Variants in PLCB1 observed in about 807,000 individuals in gnomAD.
The protein encoded by PLCB1 is 1-phosphatidylinositol 4,5-bisphosphate phosphodiesterase beta-1.
A neutral mutation model predicts 161.8 loss-of-function variants in PLCB1; 46 were observed. The ratio of observed to expected loss-of-function variants is 0.28; its 90% CI spans 0.22 to 0.36. The LOEUF is 0.36. Ranked by LOEUF, PLCB1 falls within the 10% of genes least tolerant of loss-of-function variation. PLCB1 has a pLI of 1.00. For synonymous variants in PLCB1, 517 were observed against 503.7 expected (o/e 1.03, Z -0.35); for missense variants, 1,016 against 1,472.5 (o/e 0.69, Z 5.07).
chr20:8,589,004 G>C (rs562143145), intron 3 of PLCB1, among the ~76,000 whole-genome samples: 35 of 152,298 alleles, frequency 2.3e-4, no homozygotes, highest in African/African-American at 7.0e-4. Flanking sequence ...CCAGTGTCTT[G>C]TGAGGGGTGT....
In PLCB1 at chr20:8,159,479, A is replaced by T. The variant is rs1289949237; in HGVS notation, c.177+9108A>T. On this transcript the variant is annotated intron_variant, in intron 2 of 31. Coordinates refer to ENST00000338037, the MANE Select transcript of PLCB1 (RefSeq NM_015192.4). ...AAGACATCTGACATGCCCTGGAGCC[A>T]TTTTCCCCATTGTCTTGAGGATTAA... 2.6e-5 allele frequency among the ~76,000 whole-genome samples: 4 copies of T among 152,008 alleles called. No individual in the cohort carries two copies. In the East Asian group the frequency reaches 7.7e-4, roughly 29 times the overall value.
At chr20:8,522,443 G>A (rs1374450614) in intron 3 of PLCB1, among the ~76,000 whole-genome samples, 1 of 152,070 alleles carries the variant, frequency 6.6e-6, no homozygotes, top group African/African-American at 2.4e-5. Flanking sequence ...AAGGACAAAA[G>A]CCATTCAGAA....
At chr20:8,557,713 T>C (rs1448099734) in intron 3 of PLCB1, among the ~76,000 whole-genome samples, 1 of 152,034 alleles carries the variant, frequency 6.6e-6, no homozygotes, top group African/African-American at 2.4e-5. Context: ...GGGCTATCTA[T>C]ATTTTATCAC....
At chr20:8,146,977 T>G (rs1299122621) in intron 1 of PLCB1, among the ~76,000 whole-genome samples, 2 of 152,204 alleles carry the variant, frequency 1.3e-5, no homozygotes, top group African/African-American at 4.8e-5. Context: ...CAACTTTAAG[T>G]AAATTAGAGT....
At chr20:8,857,239 T>G (rs6108201) in intron 31 of PLCB1, among the ~76,000 whole-genome samples, 44,572 of 152,044 alleles carry the variant, frequency 0.29, 6,732 homozygotes, top group Middle Eastern at 0.41. Context: ...TGTCATATCC[T>G]ATTGACAAAA....
chr20:8,347,876 G>A (rs886724849), intron 2 of PLCB1, among the ~76,000 whole-genome samples: 84 of 152,242 alleles, frequency 5.5e-4, no homozygotes, highest in African/African-American at 1.9e-3. Flanking sequence ...AGAGCCTGAG[G>A]CAGGAGAATG....
At chr20:8,783,318 G>A (rs1983328812) in intron 27 of PLCB1, among the ~76,000 whole-genome samples, 1 of 152,070 alleles carries the variant, frequency 6.6e-6, no homozygotes, top group African/African-American at 2.4e-5. Flanking sequence ...TCAGAGTTTT[G>A]TGACTAATAA....
At chr20:8,632,034 GCTTTTTTT>G (rs1394440819) in intron 4 of PLCB1, among the ~76,000 whole-genome samples, 109 of 81,754 alleles carry the variant, frequency 1.3e-3, no homozygotes, top group African/African-American at 3.5e-3. Flanking sequence ...GGTTTTTTTT[GCTTTTTTT>G]TTTTTTTTTT....
intron 3 of PLCB1, among the ~76,000 whole-genome samples, chr20:8,603,851 G>C (rs1345341587): frequency 1.3e-5 from 2 of 152,152 alleles, no homozygotes; most frequent in Non-Finnish European, 2.9e-5. Context: ...TGCTTAATGG[G>C]TACAGAATTT....
intron 2 of PLCB1, among the ~76,000 whole-genome samples, chr20:8,307,563 G>A (rs1346340966): frequency 6.6e-6 from 1 of 151,966 alleles, no homozygotes; most frequent in African/African-American, 2.4e-5. Context: ...TTTTTGGTGG[G>A]TTTTTTATTT....
At chr20:8,428,863 C>T (rs1979908066) in intron 3 of PLCB1, among the ~76,000 whole-genome samples, 2 of 152,124 alleles carry the variant, frequency 1.3e-5, no homozygotes, top group African/African-American at 2.4e-5. Flanking sequence ...GCATCTCCTA[C>T]AAAAACTTCT....
intron 25 of PLCB1, among the ~76,000 whole-genome samples, chr20:8,763,824 T>A (rs1982169226): frequency 6.6e-6 from 1 of 151,828 alleles, no homozygotes; most frequent in South Asian, 2.1e-4. Flanking sequence ...TGGCCCAGAA[T>A]GTTTTAAGGT....
chr20:8,776,008 C>G (rs1982926272), intron 27 of PLCB1, among the ~76,000 whole-genome samples: 1 of 152,126 alleles, frequency 6.6e-6, no homozygotes, highest in Admixed American at 6.5e-5. Context: ...CCTTGACAGA[C>G]CTGAGCAAGT....
At chr20:8,534,432 C>T (rs1237396261) in intron 3 of PLCB1, among the ~76,000 whole-genome samples, 1 of 152,152 alleles carries the variant, frequency 6.6e-6, no homozygotes, top group Non-Finnish European at 1.5e-5. Context: ...CAAAACCTGT[C>T]CTCATGGTTT....
At chr20:8,572,714 A>G (rs1986559871) in intron 3 of PLCB1, among the ~76,000 whole-genome samples, 2 of 152,186 alleles carry the variant, frequency 1.3e-5, no homozygotes, top group Admixed American at 6.5e-5. Context: ...TACAAAACAC[A>G]AGCTCAAAGA....
intron 2 of PLCB1, among the ~76,000 whole-genome samples, chr20:8,250,336 A>G (rs2123221441): frequency 6.6e-6 from 1 of 152,096 alleles, no homozygotes; most frequent in Admixed American, 6.6e-5. Flanking sequence ...GGAGAAAATC[A>G]CTTAATAATC....
At chr20:8,137,497 T>C (rs1322512797) in intron 1 of PLCB1, among the ~76,000 whole-genome samples, 1 of 152,226 alleles carries the variant, frequency 6.6e-6, no homozygotes, top group African/African-American at 2.4e-5. Context: ...ATTTTTCTTG[T>C]CCAAAGAGCT....
chr20:8,341,113 T>TAC (rs1410658456), intron 2 of PLCB1, among the ~76,000 whole-genome samples: 1 of 152,096 alleles, frequency 6.6e-6, no homozygotes, highest in Non-Finnish European at 1.5e-5. Flanking sequence ...CCCTCCCATA[T>TAC]ACACATCACA....
At chr20:8,166,131 C>T (rs2051672581) in intron 2 of PLCB1, among the ~76,000 whole-genome samples, 1 of 152,158 alleles carries the variant, frequency 6.6e-6, no homozygotes. Flanking sequence ...TCACTGGCTA[C>T]TTCCTTTCTT....
Sources: allele counts gnomAD v4.1 joint callset (sites outside exome capture counted in the v4.1 genomes callset), GRCh38; gene constraint gnomAD v4.1.1; transcripts MANE v1.5; gene names NCBI Gene and HGNC (gene_info 2026-07-23, HGNC 2026-07-21).